Variants in VAV2 observed in about 807,000 individuals in gnomAD.
The protein encoded by VAV2 is guanine nucleotide exchange factor VAV2.
VAV2 carries 67 observed loss-of-function variants against 132.5 expected under a neutral mutation model. The observed-to-expected ratio is 0.51, with a 90% confidence interval of 0.42 to 0.62. The LOEUF (loss-of-function observed/expected upper bound fraction) is 0.62. Among genes scored for constraint, VAV2 ranks in the 20% least tolerant of loss-of-function variants. The pLI, the probability that VAV2 is intolerant of heterozygous loss-of-function variation, is 0.00. For synonymous variants in VAV2, 492 were observed against 443.5 expected (o/e 1.11, Z -1.37); for missense variants, 938 against 1,153.6 (o/e 0.81, Z 2.71).
intron 3 of VAV2, among the ~76,000 whole-genome samples, chr9:133,842,289 A>G (rs923397270): frequency 1.6e-4 from 25 of 152,356 alleles, no homozygotes; most frequent in African/African-American, 6.0e-4. Flanking sequence ...CCGCACGGTG[A>G]CTGCCAAGGA....
chr9:133,834,984 G>T lies in VAV2; in HGVS notation c.381-644C>A, dbSNP rs756956211. On this transcript the variant is annotated intron_variant, in intron 3 of 29. Transcript: ENST00000371850. The surrounding 1 kb of genome is among the most constrained non-coding windows in gnomAD (Gnocchi z 5.9). ...GGGGTCTCCCCAGAAGGAACGCGGC[G>T]GTGCTCCCCCACACTCCGCCCTCCA... is the stretch of plus-strand genomic sequence containing the variant. Among the ~76,000 whole-genome samples, 3 of 152,128 alleles carry T rather than the reference G, an allele frequency of 2.0e-5. No individual in the cohort carries two copies. Among genetic ancestry groups the T allele is most frequent in the Non-Finnish European group, 4.4e-5 (3 of 68,018 alleles).
At chr9:133,960,124 ACT>A (rs774497646) in intron 1 of VAV2, among the ~76,000 whole-genome samples, 26 of 152,036 alleles carry the variant, frequency 1.7e-4, no homozygotes, top group Non-Finnish European at 2.9e-4. Flanking sequence ...TCATTGTTCC[ACT>A]CTCTATCAGG....
At chr9:133,848,134 G>A (rs878972683) in intron 3 of VAV2, among the ~76,000 whole-genome samples, 2 of 152,070 alleles carry the variant, frequency 1.3e-5, no homozygotes, top group Non-Finnish European at 2.9e-5. Context: ...AAAAAAATCA[G>A]CTGGGTGTAG....
At chr9:133,793,557 G>A (rs2131628351) in intron 12 of VAV2, among the ~76,000 whole-genome samples, 1 of 152,188 alleles carries the variant, frequency 6.6e-6, no homozygotes, top group South Asian at 2.1e-4. Flanking sequence ...TGGAGCTCAG[G>A]ACCACCCCCC....
chr9:133,811,440 T>A (rs1462977464), intron 5 of VAV2, among the ~76,000 whole-genome samples: 2 of 152,204 alleles, frequency 1.3e-5, no homozygotes, highest in Admixed American at 6.5e-5. Flanking sequence ...CCTCCACGGT[T>A]GGCAAGTGGC....
chr9:133,964,178 C>T (rs1306454922), intron 1 of VAV2, among the ~76,000 whole-genome samples: 4 of 150,184 alleles, frequency 2.7e-5, no homozygotes, highest in Non-Finnish European at 5.9e-5. Context: ...AGCAACATGG[C>T]AAAACCCTGT....
At chr9:133,816,972 C>G (rs916191201) in intron 4 of VAV2, among the ~76,000 whole-genome samples, 1 of 152,190 alleles carries the variant, frequency 6.6e-6, no homozygotes, top group African/African-American at 2.4e-5. Context: ...TTCCAAGGTC[C>G]TCTGCATCTC....
chr9:133,936,006 C>T (rs1840895120), intron 2 of VAV2, among the ~76,000 whole-genome samples: 2 of 152,198 alleles, frequency 1.3e-5, no homozygotes, highest in Non-Finnish European at 1.5e-5. Flanking sequence ...CCCAGAGTGG[C>T]GGGGCCCTGG....
At chr9:133,960,448 T>C (rs900069604) in intron 1 of VAV2, among the ~76,000 whole-genome samples, 1 of 152,248 alleles carries the variant, frequency 6.6e-6, no homozygotes, top group South Asian at 2.1e-4. Context: ...TGACCCTGAG[T>C]GCCGGCCACG....
At chr9:133,886,663 C>T (rs1183082584) in intron 2 of VAV2, among the ~76,000 whole-genome samples, 2 of 152,200 alleles carry the variant, frequency 1.3e-5, no homozygotes, top group Non-Finnish European at 2.9e-5. Flanking sequence ...GCCCACTCAG[C>T]CCTGCTCCGC....
At chr9:133,876,220 T>C (rs1469308931) in intron 2 of VAV2, among the ~76,000 whole-genome samples, 1 of 152,250 alleles carries the variant, frequency 6.6e-6, no homozygotes, top group Non-Finnish European at 1.5e-5. Context: ...TCTATCCATA[T>C]GCTATCAGCG....
At chr9:133,805,482 G>A (rs1199104636) in intron 9 of VAV2, among the ~76,000 whole-genome samples, 6 of 150,842 alleles carry the variant, frequency 4.0e-5, no homozygotes, top group Non-Finnish European at 8.9e-5. Flanking sequence ...CCTGGGCATT[G>A]TCTAACCCCC....
In VAV2 at chr9:133,918,640, GC is replaced by G. The variant is rs1389327810; in HGVS notation, c.321+20462del. ...TGAGGCCCACAGAGTCATGTAGCAT[GC>G]CCGAGGTCGCGCCTTTAATAAACAC... On this transcript the variant is annotated intron_variant, in intron 2 of 29. Transcript: ENST00000371850. This position sits in a 1 kb window ranked among gnomAD's most constrained non-coding sequence, Gnocchi z 4.7. Among the ~76,000 whole-genome samples the G allele has an allele frequency of 6.6e-6, 1 of 152,082 alleles. No homozygotes were observed.
chr9:133,806,043 G>A (rs1405314633), intron 9 of VAV2, 38 bp downstream of exon 9: 1 of 1,582,098 alleles, frequency 6.3e-7, no homozygotes, highest in Non-Finnish European at 8.6e-7. Context: ...CGCAGACAGG[G>A]AGGGGCCAAG....
chr9:133,869,910 C>T (rs989799570), intron 2 of VAV2, among the ~76,000 whole-genome samples: 3 of 152,234 alleles, frequency 2.0e-5, no homozygotes, highest in Non-Finnish European at 4.4e-5. Context: ...GGAAACTCAC[C>T]TATCTGCCTT....
rs1837424567 is a variant in VAV2, at chr9:133,857,384, A to G, written c.380+3990T>C. Among the ~76,000 whole-genome samples the G allele has an allele frequency of 6.6e-6, 1 of 152,168 alleles. No individual in the cohort carries two copies. The highest frequency in any genetic ancestry group is 6.5e-5 in the Admixed American group (1 of 15,276). On this transcript the variant is annotated intron_variant, in intron 3 of 29. Transcript: ENST00000371850. This position sits in a 1 kb window ranked among gnomAD's most constrained non-coding sequence, Gnocchi z 4.0. The stretch of plus-strand genomic sequence containing the variant: ...GCGGGATTCTTAGATTAAGTCTCCA[A>G]TTCATCAGCCTCTGAGAAGTATAAT...
At chr9:133,801,985 C>T (rs1326770659) in intron 9 of VAV2, among the ~76,000 whole-genome samples, 4 of 152,102 alleles carry the variant, frequency 2.6e-5, no homozygotes, top group Non-Finnish European at 5.9e-5. Flanking sequence ...ACCATGTTTG[C>T]GGTCATTGTT....
chr9:133,892,569 C>T (rs555996992), intron 2 of VAV2, among the ~76,000 whole-genome samples: 12 of 152,174 alleles, frequency 7.9e-5, no homozygotes, highest in African/African-American at 2.9e-4. Flanking sequence ...CAGGGCTCGG[C>T]CAAAGGGCAG....
In VAV2 at chr9:133,804,035, T is replaced by C. The variant is rs1000984486; in HGVS notation, c.836+2046A>G. Among the ~76,000 whole-genome samples the C allele has an allele frequency of 6.6e-6, 1 of 152,048 alleles. No individual in the cohort carries two copies. Among genetic ancestry groups the C allele is most frequent in the African/African-American group, 2.4e-5 (1 of 41,406 alleles). On this transcript the variant is annotated intron_variant, in intron 9 of 29. Coordinates refer to ENST00000371850, the MANE Select transcript of VAV2 (RefSeq NM_001134398.2). The surrounding 1 kb of genome is among the most constrained non-coding windows in gnomAD (Gnocchi z 4.5). ...CGCAGCTCCCCCCGGAGCTTCTCTA[T>C]CTTGTCTTGGTTCTCATCCATCCCA...
Sources: allele counts gnomAD v4.1 joint callset (sites outside exome capture counted in the v4.1 genomes callset), GRCh38; gene constraint gnomAD v4.1.1; non-coding constraint Gnocchi (gnomAD v3.1); transcripts MANE v1.5; gene names NCBI Gene and HGNC (gene_info 2026-07-23, HGNC 2026-07-21).